PLAC1: variants seen among roughly 807,000 people sequenced by gnomAD.
The protein encoded by PLAC1 is placenta-specific protein 1.
For missense variants in PLAC1, 136 were observed against 163.2 expected (o/e 0.83, Z 0.91); for synonymous variants, 68 against 62.1 (o/e 1.09, Z -0.44).
intron 2 of PLAC1, among the ~76,000 whole-genome samples, chrX:134,663,758 T>C (rs1203913125): frequency 8.9e-6 from 1 of 112,611 alleles, no homozygotes; most frequent in Non-Finnish European, 1.9e-5. Context: ...ACATTTCACT[T>C]TGGTGACAAA....
At chrX:134,750,350 T>C (rs2078737990) in intron 1 of PLAC1, among the ~76,000 whole-genome samples, 1 of 110,682 alleles carries the variant, frequency 9.0e-6, no homozygotes, top group South Asian at 3.9e-4. Context: ...TGATATACCG[T>C]ATGCTGTGAA....
At chrX:134,755,139 G>A (rs1331273914) in intron 1 of PLAC1, among the ~76,000 whole-genome samples, 2 of 111,475 alleles carry the variant, frequency 1.8e-5, no homozygotes, top group Non-Finnish European at 3.8e-5. Flanking sequence ...GAAATTAGAT[G>A]GAAATTAGGG....
chrX:134,763,070 G>A, intron 1 of PLAC1, among the ~76,000 whole-genome samples: 1 of 110,674 alleles, frequency 9.0e-6, no homozygotes, highest in Non-Finnish European at 1.9e-5. Context: ...TGTTAATTTT[G>A]TCTCTGAGGT....
intron 1 of PLAC1, among the ~76,000 whole-genome samples, chrX:134,657,044 T>C (rs1192795134): frequency 8.9e-6 from 1 of 112,391 alleles, no homozygotes; most frequent in African/African-American, 3.2e-5. Flanking sequence ...CTCCGAGCTG[T>C]CACTTGACCG....
intron 1 of PLAC1, among the ~76,000 whole-genome samples, chrX:134,644,579 T>C (rs889457066): frequency 1.8e-5 from 2 of 110,245 alleles, no homozygotes; most frequent in African/African-American, 3.3e-5. Context: ...TAGCTGTTTA[T>C]CCTGATGCTC....
chrX:134,584,373 CCAAG>C (rs1396036114), intron 2 of PLAC1, among the ~76,000 whole-genome samples: 1 of 111,602 alleles, frequency 9.0e-6, no homozygotes, highest in Admixed American at 9.5e-5. Flanking sequence ...TGTCCTGAGA[CCAAG>C]TAGTAGGGTG....
At chrX:134,663,189 C>T (rs2078422438), upstream of PLAC1, among the ~76,000 whole-genome samples, 1 of 112,314 alleles carries the variant, frequency 8.9e-6, no homozygotes, top group African/African-American at 3.2e-5. Flanking sequence ...GAAATTTTGA[C>T]ATGCATTTTG....
At chrX:134,687,815 CATATATATATAT>C (rs56675396) in intron 2 of PLAC1, among the ~76,000 whole-genome samples, 2,801 of 31,028 alleles carry the variant, frequency 0.09, 175 homozygotes, top group Middle Eastern at 0.13. Flanking sequence ...ACTGAGATAA[CATATATATATAT>C]ATATATATAT....
At position 134,677,746 on chromosome X, in the gene PLAC1, G is replaced by A. The variant is rs192069217; in HGVS notation, n.174+55689C>T. ...GAAAACCATCGCAGGTTTTAAGCCC[G>A]GGGGGTGACATGTTCTGACTTATGC... On this transcript the variant is annotated intron_variant and non_coding_transcript_variant, in intron 2 of 2. Transcript: ENST00000466797. Among the ~76,000 whole-genome samples the A allele has an allele frequency of 5.7e-3, 637 of 111,501 alleles. 7 individuals are homozygous for A. The highest frequency in any genetic ancestry group is 0.018 in the African/African-American group (563 of 30,626).
upstream of PLAC1, among the ~76,000 whole-genome samples, chrX:134,661,076 C>CT (rs1368156652): frequency 1.1e-4 from 12 of 110,355 alleles, no homozygotes; most frequent in Non-Finnish European, 1.7e-4. Flanking sequence ...TGTACCTGTG[C>CT]TTTGGGCAAG....
chrX:134,749,174 G>A (rs1298859939), intron 1 of PLAC1, among the ~76,000 whole-genome samples: 2 of 111,664 alleles, frequency 1.8e-5, no homozygotes, highest in African/African-American at 6.5e-5. Flanking sequence ...ACAATTAGGC[G>A]GGCTTGGTGG....
intron 1 of PLAC1, among the ~76,000 whole-genome samples, chrX:134,608,659 T>A (rs912273560): frequency 1.2e-5 from 1 of 86,594 alleles, no homozygotes; most frequent in Admixed American, 1.4e-4. Flanking sequence ...ATCACTCTTC[T>A]TTTTCTTTTT....
intron 1 of PLAC1, among the ~76,000 whole-genome samples, chrX:134,746,118 G>A (rs1325365118): frequency 8.9e-6 from 1 of 112,591 alleles, no homozygotes; most frequent in African/African-American, 3.2e-5. Context: ...CATAGGCAAA[G>A]CCAGATTACT....
chrX:134,634,777 C>A (rs757065870), intron 1 of PLAC1, among the ~76,000 whole-genome samples: 1 of 112,014 alleles, frequency 8.9e-6, no homozygotes, highest in Admixed American at 9.5e-5. Flanking sequence ...AGTTGATAGA[C>A]GTTTGAGTTG....
chrX:134,583,025 G>T (rs993282569), intron 2 of PLAC1, among the ~76,000 whole-genome samples: 1 of 111,579 alleles, frequency 9.0e-6, no homozygotes, highest in Non-Finnish European at 1.9e-5. Flanking sequence ...GCATCGGGTC[G>T]TTATGATTAT....
intron 2 of PLAC1, among the ~76,000 whole-genome samples, chrX:134,711,559 G>T (rs779460813): frequency 8.9e-6 from 1 of 112,202 alleles, no homozygotes; most frequent in Non-Finnish European, 1.9e-5. Flanking sequence ...TTTTTTAAGT[G>T]AGAGTCTTTT....
intron 2 of PLAC1, among the ~76,000 whole-genome samples, chrX:134,596,968 G>T (rs964773908): frequency 6.3e-5 from 7 of 111,170 alleles, no homozygotes; most frequent in African/African-American, 2.3e-4. Context: ...GTTTGACTAT[G>T]ATATGTCTTA....
intron 2 of PLAC1, among the ~76,000 whole-genome samples, chrX:134,589,744 T>A (rs1173493337): frequency 1.1e-5 from 1 of 92,244 alleles, no homozygotes; most frequent in Non-Finnish European, 2.2e-5. Context: ...AAAAAAAAAA[T>A]ACAGTGGACC....
At chrX:134,583,863 C>G (rs765986588) in intron 2 of PLAC1, among the ~76,000 whole-genome samples, 2 of 110,805 alleles carry the variant, frequency 1.8e-5, no homozygotes, top group Non-Finnish European at 3.8e-5. Context: ...ACCCCTGTTA[C>G]CACTGAATTA....
Sources: gnomAD v4.1 joint callset for allele counts (sites outside exome capture counted in the v4.1 genomes callset) on GRCh38, gnomAD v4.1.1 for gene constraint, MANE v1.5 for transcripts, NCBI Gene and HGNC (gene_info 2026-07-23, HGNC 2026-07-21) for gene names.